NRXN1: variants seen among roughly 807,000 people sequenced by gnomAD.
NRXN1 encodes the protein neurexin-1.
Under a neutral mutation model 150.9 loss-of-function variants are expected in NRXN1, and 39 were observed. The ratio of observed to expected loss-of-function variants is 0.26; its 90% CI spans 0.20 to 0.34. NRXN1 has a LOEUF of 0.34. NRXN1 is among the 10% of genes least tolerant of loss of function. The probability of loss-of-function intolerance (pLI) is 1.00; values close to 1 mark genes in which losing one functional copy is unlikely to be tolerated. For synonymous variants in NRXN1, 924 were observed against 757.0 expected, an observed-to-expected ratio of 1.22 and a Z score of -3.62; for missense variants, 1,815 against 1,949.9, an observed-to-expected ratio of 0.93 and a Z score of 1.30.
At chr2:50,844,642 T>G (rs573356655) in intron 5 of NRXN1, among the ~76,000 whole-genome samples, 2 of 152,312 alleles carry the variant, frequency 1.3e-5, no homozygotes, top group East Asian at 3.9e-4. Flanking sequence ...TACATCATAT[T>G]ATGATAATCC....
intron 21 of NRXN1, among the ~76,000 whole-genome samples, chr2:50,007,164 G>A (rs1433811185): frequency 2.0e-5 from 3 of 151,476 alleles, no homozygotes; most frequent in Non-Finnish European, 4.4e-5. Context: ...ATAACAAAGC[G>A]AGACCTTGTC....
intron 19 of NRXN1, among the ~76,000 whole-genome samples, chr2:50,079,360 C>A (rs1047259385): frequency 8.6e-5 from 13 of 151,998 alleles, no homozygotes; most frequent in African/African-American, 3.1e-4. Flanking sequence ...CACAGCCACA[C>A]CCATTCATTT....
chr2:49,988,252 G>C (rs1280894929), intron 21 of NRXN1, among the ~76,000 whole-genome samples: 1 of 151,422 alleles, frequency 6.6e-6, no homozygotes, highest in Non-Finnish European at 1.5e-5. Flanking sequence ...GAAACCCACA[G>C]AGAAAGACTT....
At chr2:50,465,272 A>AAATACTAAT in intron 17 of NRXN1, 170 bp downstream of exon 17, 1 of 494,904 alleles carries the variant, frequency 2.0e-6, no homozygotes, top group Non-Finnish European at 3.2e-6. Flanking sequence ...TAGCCACTTT[A>AAATACTAAT]ACAATTAGTA....
At chr2:50,217,007 C>G (rs949976043) in intron 18 of NRXN1, among the ~76,000 whole-genome samples, 2 of 152,056 alleles carry the variant, frequency 1.3e-5, no homozygotes, top group African/African-American at 2.4e-5. Context: ...CCCAGTAATA[C>G]TTTCAAGGGT....
intron 21 of NRXN1, among the ~76,000 whole-genome samples, chr2:49,965,225 C>G (rs1676743825): frequency 6.7e-6 from 1 of 150,010 alleles, no homozygotes; most frequent in Non-Finnish European, 1.5e-5. Flanking sequence ...AAAATTTTTT[C>G]TGCCTAAGGT....
At chr2:50,805,268 A>G (rs1424294923) in intron 5 of NRXN1, among the ~76,000 whole-genome samples, 1 of 152,238 alleles carries the variant, frequency 6.6e-6, no homozygotes, top group Admixed American at 6.5e-5. Flanking sequence ...CTCTAAAAAC[A>G]TATTACGTGA....
chr2:50,072,863 A>C (rs965409072), intron 19 of NRXN1, among the ~76,000 whole-genome samples: 2 of 152,150 alleles, frequency 1.3e-5, no homozygotes, highest in Non-Finnish European at 2.9e-5. Flanking sequence ...AAACAAAAAG[A>C]CTTGAGTACT....
chr2:49,967,500 G>T (rs1177479799), intron 21 of NRXN1, among the ~76,000 whole-genome samples: 2 of 152,014 alleles, frequency 1.3e-5, no homozygotes, highest in Non-Finnish European at 2.9e-5. Flanking sequence ...TACGTTTATA[G>T]ACATAAAACA....
At chr2:50,890,452 G>T (rs898200157) in intron 5 of NRXN1, among the ~76,000 whole-genome samples, 10 of 151,488 alleles carry the variant, frequency 6.6e-5, no homozygotes, top group African/African-American at 2.2e-4. Context: ...TTTAATGGAG[G>T]ACATTTAAGG....
At chr2:50,474,040 T>C in intron 15 of NRXN1, among the ~76,000 whole-genome samples, 2 of 151,900 alleles carry the variant, frequency 1.3e-5, no homozygotes, top group Non-Finnish European at 2.9e-5. Flanking sequence ...TGTATTTACT[T>C]CCCCCCTTTT....
chr2:50,613,884 G>A (rs1678599956), intron 8 of NRXN1, among the ~76,000 whole-genome samples: 1 of 152,182 alleles, frequency 6.6e-6, no homozygotes, highest in African/African-American at 2.4e-5. Flanking sequence ...CTTGCAGTAA[G>A]CCAAGATCAT....
At position 50,587,978 on chromosome 2, in the gene NRXN1, T is replaced by C. The variant is rs1039672737; in HGVS notation, c.1320+32044A>G. Among the ~76,000 whole-genome samples the C allele has an allele frequency of 2.6e-5, 4 of 152,184 alleles. No homozygotes were observed. In the East Asian group the frequency reaches 7.7e-4, roughly 29 times the overall value. Reference sequence around the variant, plus strand: ...ATGATTATTTTAGTAAGAAATGATCTTCTTTGTGAGTGCCTATTATATTCT... The same window carrying C: ...ATGATTATTTTAGTAAGAAATGATCCTCTTTGTGAGTGCCTATTATATTCT... On this transcript the variant is annotated intron_variant, in intron 8 of 22. Transcript: ENST00000401669.
intron 2 of NRXN1, among the ~76,000 whole-genome samples, chr2:50,946,724 T>A (rs939889370): frequency 6.6e-6 from 1 of 152,204 alleles, no homozygotes; most frequent in African/African-American, 2.4e-5. Flanking sequence ...CAATATACTT[T>A]AAAAAAACGC....
intron 18 of NRXN1, among the ~76,000 whole-genome samples, chr2:50,176,028 A>G (rs1405743743): frequency 6.6e-6 from 1 of 152,144 alleles, no homozygotes; most frequent in Non-Finnish European, 1.5e-5. Context: ...GCACTGTACT[A>G]GGTGCTTAGA....
intron 5 of NRXN1, among the ~76,000 whole-genome samples, chr2:50,915,195 T>A (rs1246247545): frequency 1.3e-5 from 2 of 151,652 alleles, no homozygotes; most frequent in African/African-American, 4.8e-5. Context: ...ATATGTTATT[T>A]TTCCAATATA....
chr2:51,011,599 A>G (rs958493276), intron 2 of NRXN1, among the ~76,000 whole-genome samples: 3 of 151,998 alleles, frequency 2.0e-5, no homozygotes, highest in Non-Finnish European at 2.9e-5. Flanking sequence ...AGAGAGTAAC[A>G]CTAGAAAGAA....
chr2:50,938,775 C>T lies in NRXN1; in HGVS notation c.773-12820G>A, dbSNP rs534966502. Among the ~76,000 whole-genome samples, 4 of 152,178 alleles carry T rather than the reference C, an allele frequency of 2.6e-5. No individual in the cohort carries two copies. The South Asian group carries it at 8.3e-4, about 32-fold the overall frequency. The stretch of plus-strand genomic sequence containing the variant: ...GGAATTAAATGAAGAATGAATGACC[C>T]AATGGTAAAATCAGGCCTGACTCCA... On this transcript the variant is annotated intron_variant, in intron 2 of 22. Transcript: ENST00000401669.
intron 17 of NRXN1, among the ~76,000 whole-genome samples, chr2:50,291,163 G>A (rs2072878571): frequency 6.6e-6 from 1 of 150,772 alleles, no homozygotes; most frequent in Non-Finnish European, 1.5e-5. Flanking sequence ...TGAATTAAGG[G>A]GAAAAATCTG....
Sources: gnomAD v4.1 joint callset for allele counts (sites outside exome capture counted in the v4.1 genomes callset) on GRCh38, gnomAD v4.1.1 for gene constraint, MANE v1.5 for transcripts, NCBI Gene and HGNC (gene_info 2026-07-23, HGNC 2026-07-21) for gene names.